The following TINAG variants were observed in gnomAD, a reference collection of about 807,000 sequenced individuals.
TINAG encodes the protein tubulointerstitial nephritis antigen.
In TINAG, 83 loss-of-function variants were observed where a neutral mutation model predicts 72.7. The ratio of observed to expected loss-of-function variants is 1.14; its 90% CI spans 0.96 to 1.37. The LOEUF (loss-of-function observed/expected upper bound fraction) is 1.37, where lower values mean the gene tolerates loss of function less well. Among genes scored for constraint, TINAG ranks in the 40% most tolerant of loss-of-function variants. TINAG has a pLI of 0.00. For synonymous variants in TINAG, 234 were observed against 189.9 expected (o/e 1.23, Z -1.91); for missense variants, 685 against 576.6 (o/e 1.19, Z -1.93).
At chr6:54,354,422 T>A in intron 8 of TINAG, 91 bp from the exon 9 acceptor site, 1 of 1,201,428 alleles carries the variant, frequency 8.3e-7, no homozygotes, top group Non-Finnish European at 1.2e-6. Context: ...TCCTTGCAAT[T>A]TACCCATTGG....
At chr6:54,365,006 T>C (rs1257556636) in intron 9 of TINAG, among the ~76,000 whole-genome samples, 1 of 151,560 alleles carries the variant, frequency 6.6e-6, no homozygotes, top group Non-Finnish European at 1.5e-5. Context: ...TATCTTTTCT[T>C]TTTCCTCTGT....
chr6:54,319,166 A>C (rs1044141136), intron 1 of TINAG, among the ~76,000 whole-genome samples: 3 of 152,114 alleles, frequency 2.0e-5, no homozygotes, highest in Admixed American at 6.6e-5. Context: ...TATGATTAAA[A>C]ATCAGCTTTG....
intron 9 of TINAG, among the ~76,000 whole-genome samples, chr6:54,373,888 T>C (rs1763702189): frequency 2.0e-5 from 3 of 152,148 alleles, no homozygotes; most frequent in Admixed American, 2.0e-4. Context: ...TCATAAGATA[T>C]TACCCTAGTC....
intron 4 of TINAG, among the ~76,000 whole-genome samples, chr6:54,337,774 T>C (rs937639844): frequency 6.6e-6 from 1 of 152,086 alleles, no homozygotes; most frequent in Non-Finnish European, 1.5e-5. Context: ...CACATGAACA[T>C]AAGGCAAATG....
rs1271583334 is a variant in TINAG at position 54,352,163 on chromosome 6, A to T, written c.1126+766A>T. The stretch of plus-strand genomic sequence containing the variant: ...TGAAAATTTAGGTTGTGAATACTGA[A>T]GGGCCCGGAATATATTATCAATGCA... On this transcript the variant is annotated intron_variant, in intron 8 of 10. Transcript: ENST00000259782. Among the ~76,000 whole-genome samples the T allele has an allele frequency of 3.9e-5, 6 of 151,930 alleles. No individual in the cohort carries two copies. In the South Asian group the frequency reaches 1.2e-3, roughly 31 times the overall value.
At chr6:54,351,566 C>T (rs1182656279) in intron 8 of TINAG, among the ~76,000 whole-genome samples, 169 bp downstream of exon 8, 7 of 151,896 alleles carry the variant, frequency 4.6e-5, no homozygotes, top group African/African-American at 7.2e-5. Context: ...ATATGCTTAC[C>T]TATATCTTAA....
chr6:54,382,007 A>T (rs1198479925), intron 10 of TINAG, among the ~76,000 whole-genome samples: 1 of 152,074 alleles, frequency 6.6e-6, no homozygotes, highest in African/African-American at 2.4e-5. Flanking sequence ...ATGTGTACAC[A>T]CACACACATA....
intron 9 of TINAG, among the ~76,000 whole-genome samples, chr6:54,355,684 T>A (rs1193052425): frequency 6.6e-6 from 1 of 151,238 alleles, no homozygotes; most frequent in East Asian, 2.0e-4. Context: ...TAATGTAGGA[T>A]GCTGAATCTA....
At chr6:54,379,942 C>T (rs993315369) in intron 9 of TINAG, among the ~76,000 whole-genome samples, 1 of 151,996 alleles carries the variant, frequency 6.6e-6, no homozygotes, top group Non-Finnish European at 1.5e-5. Context: ...CCCCGACCCC[C>T]AAACAGGCCC....
At chr6:54,370,379 C>T (rs1763566800) in intron 9 of TINAG, among the ~76,000 whole-genome samples, 1 of 151,516 alleles carries the variant, frequency 6.6e-6, no homozygotes, top group African/African-American at 2.4e-5. Context: ...TGAATGACTT[C>T]CAAAAATATT....
chr6:54,375,873 T>C (rs1264546128), intron 9 of TINAG, among the ~76,000 whole-genome samples: 1 of 152,194 alleles, frequency 6.6e-6, no homozygotes, highest in Admixed American at 6.6e-5. Context: ...TTCTAAAAGA[T>C]AATCCGGATC....
chr6:54,344,342 G>C (rs768090648), intron 5 of TINAG, among the ~76,000 whole-genome samples: 2 of 152,104 alleles, frequency 1.3e-5, no homozygotes, highest in Non-Finnish European at 2.9e-5. Flanking sequence ...CTCACCCCAA[G>C]TGGCTACATT....
chr6:54,343,379 T>C, intron 5 of TINAG, 30 bp downstream of exon 5: 1 of 1,461,932 alleles, frequency 6.8e-7, no homozygotes, highest in Non-Finnish European at 9.1e-7. Flanking sequence ...TCCTTCCTTA[T>C]AAACTACTCC....
intron 9 of TINAG, among the ~76,000 whole-genome samples, chr6:54,362,880 TGC>T (rs1763283415): frequency 6.6e-6 from 1 of 151,572 alleles, no homozygotes; most frequent in Non-Finnish European, 1.5e-5. Context: ...AGAAAGAAAC[TGC>T]AGATGTGGTG....
chr6:54,329,973 C>G (rs1784699450), intron 4 of TINAG, among the ~76,000 whole-genome samples: 1 of 151,964 alleles, frequency 6.6e-6, no homozygotes, highest in Non-Finnish European at 1.5e-5. Context: ...ATTCATAAAG[C>G]AAGTTCTTAA....
intron 10 of TINAG, among the ~76,000 whole-genome samples, chr6:54,388,039 C>A (rs1764148243): frequency 6.6e-6 from 1 of 151,898 alleles, no homozygotes; most frequent in African/African-American, 2.4e-5. Flanking sequence ...CCATATTTAC[C>A]AAGAATGTAA....
intron 9 of TINAG, among the ~76,000 whole-genome samples, chr6:54,366,141 A>G (rs1004402712): frequency 1.3e-5 from 2 of 151,656 alleles, no homozygotes; most frequent in Admixed American, 6.6e-5. Context: ...GGGAATTATT[A>G]TTTCATTTTG....
Position 54,317,393 on chromosome 6 carries a change from G to A in TINAG, c.356-3186G>A, listed in dbSNP as rs117439338. Among the ~76,000 whole-genome samples the A allele has an allele frequency of 0.024, 3,710 of 152,136 alleles. 277 individuals are homozygous for A. The East Asian group carries it at 0.3, about 12-fold the overall frequency. On this transcript the variant is annotated intron_variant, in intron 1 of 10. Transcript: ENST00000259782. ...ACCCAGTGAGAGGGAATTGAATCAC[G>A]GGGACAGGTTTTTCCCATGCTGTTC...
At chr6:54,360,449 G>A (rs1763191805) in intron 9 of TINAG, among the ~76,000 whole-genome samples, 1 of 151,620 alleles carries the variant, frequency 6.6e-6, no homozygotes, top group African/African-American at 2.4e-5. Context: ...TCATAAAAGT[G>A]TGTTTTACTA....
Sources: gnomAD v4.1 joint callset for allele counts (sites outside exome capture counted in the v4.1 genomes callset) on GRCh38, gnomAD v4.1.1 for gene constraint, MANE v1.5 for transcripts, NCBI Gene and HGNC (gene_info 2026-07-23, HGNC 2026-07-21) for gene names.